ZFYVE28: variants seen among roughly 807,000 people sequenced by gnomAD.
The protein encoded by ZFYVE28 is lateral signaling target protein 2 homolog.
ZFYVE28 carries 40 observed loss-of-function variants against 82.1 expected under a neutral mutation model. The ratio of observed to expected loss-of-function variants is 0.49; its 90% CI spans 0.38 to 0.63. ZFYVE28 has a LOEUF of 0.63. ZFYVE28 is among the 30% of genes least tolerant of loss of function. The probability of loss-of-function intolerance (pLI) is 0.00; values close to 1 mark genes in which losing one functional copy is unlikely to be tolerated. For missense variants in ZFYVE28, 1,321 were observed against 1,242.1 expected (o/e 1.06, Z -0.96); for synonymous variants, 612 against 546.1 (o/e 1.12, Z -1.68).
rs1167401903 is a variant in ZFYVE28, at chr4:2,362,040, A to G, written c.40-7967T>C. 6.6e-6 allele frequency among the ~76,000 whole-genome samples: 1 copy of G among 152,016 alleles called. No homozygotes were observed. The highest frequency in any genetic ancestry group is 2.4e-5 in the African/African-American group (1 of 41,384). On this transcript the variant is annotated intron_variant, in intron 1 of 12. Coordinates refer to ENST00000290974, the MANE Select transcript of ZFYVE28 (RefSeq NM_020972.3). This position sits in a 1 kb window ranked among gnomAD's most constrained non-coding sequence, Gnocchi z 5.1. Reference sequence around the variant, plus strand: ...CCTCCCTCCCCACACAGCTGAACCCAGGACATAAGCTGGGCTCTAAGCTCC... The same window carrying G: ...CCTCCCTCCCCACACAGCTGAACCCGGGACATAAGCTGGGCTCTAAGCTCC...
chr4:2,397,210 G>A (rs572296891), intron 1 of ZFYVE28, among the ~76,000 whole-genome samples: 72 of 152,278 alleles, frequency 4.7e-4, no homozygotes, highest in African/African-American at 1.7e-3. Flanking sequence ...AGTGGCTCAC[G>A]CCTATAATCC....
At position 2,273,276 on chromosome 4, in the gene ZFYVE28, C is replaced by T; in HGVS notation, c.2220G>A (p.Gln740=). ...GGTCACTGGCATAGTTCGTCTGCAG[C>T]TGGTCAGCCACACCTGAGGAAGGAA... ...LFVCISGVAD[Q]LQTNYASDLR... Residue 740 remains glutamine, a synonymous_variant, in exon 10 of 13, where the codon CAG becomes CAA. Coordinates refer to ENST00000290974, the MANE Select transcript of ZFYVE28 (RefSeq NM_020972.3). The T allele has an allele frequency of 6.2e-7, 1 of 1,612,198 alleles. No individual in the cohort carries two copies. Among genetic ancestry groups the T allele is most frequent in the Non-Finnish European group, 8.5e-7 (1 of 1,179,572 alleles).
intron 7 of ZFYVE28, among the ~76,000 whole-genome samples, chr4:2,319,903 T>C (rs1353811965): frequency 1.3e-5 from 2 of 152,090 alleles, no homozygotes; most frequent in Non-Finnish European, 2.9e-5. Flanking sequence ...TAGCTGTTGC[T>C]GTACCATGTC....
rs569704011 is a variant in ZFYVE28 at position 2,370,127 on chromosome 4, T to C, written c.40-16054A>G. Reference sequence around the variant, plus strand: ...CCTTCCGAAGTGCTGGGATTACAGGTGTGAACCAACACGCCCGGCCGATTT... The same window carrying C: ...CCTTCCGAAGTGCTGGGATTACAGGCGTGAACCAACACGCCCGGCCGATTT... On this transcript the variant is annotated intron_variant, in intron 1 of 12. Transcript: ENST00000290974. 5.3e-5 allele frequency among the ~76,000 whole-genome samples: 8 copies of C among 152,046 alleles called. No individual in the cohort carries two copies. The South Asian group carries it at 8.3e-4, about 16-fold the overall frequency.
At position 2,344,686 on chromosome 4, in the gene ZFYVE28, C is replaced by T. The variant is rs553010104; in HGVS notation, c.181-3071G>A. 1.3e-4 allele frequency among the ~76,000 whole-genome samples: 20 copies of T among 150,922 alleles called. 1 individual carries two copies. The East Asian group carries it at 3.9e-3, about 30-fold the overall frequency. ...CCAAGGTGGGTGGATCACCTGAGGT[C>T]GGGAGTTCGAGACCAGCCAGGCCAA... On this transcript the variant is annotated intron_variant, in intron 2 of 12. Transcript: ENST00000290974.
Position 2,312,198 on chromosome 4 carries a change from T to C in ZFYVE28, c.804-6662A>G, listed in dbSNP as rs546290232. 4.6e-5 allele frequency among the ~76,000 whole-genome samples: 7 copies of C among 152,266 alleles called. No individual in the cohort carries two copies. In the South Asian group the frequency reaches 1.0e-3, roughly 23 times the overall value. ...ATGCTGAGATTACAGGAATGAGCCA[T>C]TGGGCCTGGCCACATGGATATATCA... On this transcript the variant is annotated intron_variant, in intron 7 of 12. Coordinates refer to ENST00000290974, the MANE Select transcript of ZFYVE28 (RefSeq NM_020972.3).
In ZFYVE28 at chr4:2,304,872, C is replaced by T. The variant is rs373104966; in HGVS notation, c.1468G>A (p.Gly490Ser). 8.7e-6 allele frequency: 14 copies of T among 1,612,650 alleles called. No individual in the cohort carries two copies. The highest frequency in any genetic ancestry group is 6.7e-5 in the Admixed American group (4 of 60,020). ...GCGTCATCCGCACCCACCTCCCAGC[C>T]GTCCAGGTGCAGCCGCGAGTCCAGG... ...SCLDSRLHLD[G>S]WEVGADDAET... Residue 490 changes from glycine to serine, a missense_variant, in exon 8 of 13, where the codon GGC becomes AGC. Around this residue, in one of 2 missense-constraint regions of ZFYVE28, gnomAD observed 978 missense variants for 833.7 expected, o/e 1.17. Coordinates refer to ENST00000290974, the MANE Select transcript of ZFYVE28 (RefSeq NM_020972.3).
At position 2,417,994 on chromosome 4, in the gene ZFYVE28, T is replaced by G. The variant is rs1733292058; in HGVS notation, c.39+291A>C. Among the ~76,000 whole-genome samples the G allele has an allele frequency of 6.6e-6, 1 of 150,634 alleles. No individual in the cohort carries two copies. Among genetic ancestry groups the G allele is most frequent in the South Asian group, 2.1e-4 (1 of 4,732 alleles). Reference sequence around the variant, plus strand: ...GGGATGAGGAGGGAGAGGGGCCCGTTGTGGCCCTGGATAGAGGGGGAGGGA... The same window carrying G: ...GGGATGAGGAGGGAGAGGGGCCCGTGGTGGCCCTGGATAGAGGGGGAGGGA... On this transcript the variant is annotated intron_variant, in intron 1 of 12. Transcript: ENST00000290974. This position sits in a 1 kb window ranked among gnomAD's most constrained non-coding sequence, Gnocchi z 4.8.
At chr4:2,315,750 AG>A (rs1190895580) in intron 7 of ZFYVE28, among the ~76,000 whole-genome samples, 4 of 152,140 alleles carry the variant, frequency 2.6e-5, no homozygotes, top group Non-Finnish European at 5.9e-5. Flanking sequence ...TGATATACCC[AG>A]GTATGCTGGT....
rs759182685 is a variant in ZFYVE28 at position 2,335,741 on chromosome 4, G to A, written c.665C>T (p.Ala222Val). The change falls in exon 6 of 13, where the codon GCC becomes GTC. Residue 222 changes from alanine to valine, a missense_variant. Transcript: ENST00000290974. This position sits in a 1 kb window ranked among gnomAD's most constrained non-coding sequence, Gnocchi z 5.8. ...CAGCCTGGGGATGCTGAACATGAGG[G>A]CCGGCTCGTAGTCATCAATCATGTC... ...TQDMIDDYEP[A>V]LMFSIPRLAI... The A allele has an allele frequency of 1.5e-5, 24 of 1,576,026 alleles. No homozygotes were observed. Among genetic ancestry groups the A allele is most frequent in the East Asian group, 2.3e-5 (1 of 43,222 alleles).
chr4:2,271,092 G>A, intron 12 of ZFYVE28: 2 of 741,536 alleles, frequency 2.7e-6, no homozygotes, highest in South Asian at 1.9e-5. Context: ...CTCTGTGGCT[G>A]GCTCTGCAGC....
At position 2,339,470 on chromosome 4, in the gene ZFYVE28, G is replaced by A. The variant is rs776018359; in HGVS notation, c.504C>T (p.Phe168=). The A allele has an allele frequency of 3.1e-5, 50 of 1,613,694 alleles. No homozygotes were observed. The highest frequency in any genetic ancestry group is 5.0e-5 in the Admixed American group (3 of 59,928). ...REALRHFDVL[F]AEFELSYVSA... ...TGCAGTACCTGAGCTCAAACTCTGC[G>A]AACAGGACGTCGAAGTGCCTCAGCG... Residue 168 remains phenylalanine, a synonymous_variant, in exon 4 of 13, where the codon TTC becomes TTT. Transcript: ENST00000290974. The surrounding 1 kb of genome is among the most constrained non-coding windows in gnomAD (Gnocchi z 5.0).
At chr4:2,370,120 T>C (rs774613440) in intron 1 of ZFYVE28, among the ~76,000 whole-genome samples, 14 of 151,968 alleles carry the variant, frequency 9.2e-5, no homozygotes, top group Non-Finnish European at 1.5e-4. Context: ...AGTGCTGGGA[T>C]TACAGGTGTG....
chr4:2,271,845 C>CATCA, intron 10 of ZFYVE28, 66 bp from the exon 11 acceptor site: 7 of 1,476,502 alleles, frequency 4.7e-6, no homozygotes, highest in Non-Finnish European at 6.6e-6. Flanking sequence ...GGGTCACCTG[C>CATCA]ACTTGCTGGG....
chr4:2,341,247 AATTTC>A lies in ZFYVE28; in HGVS notation c.318+226_318+230del, dbSNP rs1722749111. On this transcript the variant is annotated intron_variant, in intron 3 of 12. Transcript: ENST00000290974. The surrounding 1 kb of genome is among the most constrained non-coding windows in gnomAD (Gnocchi z 4.5). Reference sequence around the variant, plus strand: ...TGAACCTCATAAAAACCACATGGGAAATTTCATTTGTATGTATAGTTTTGGGGGCA... The same window carrying A: ...TGAACCTCATAAAAACCACATGGGAAATTTGTATGTATAGTTTTGGGGGCA... The A allele has an allele frequency of 5.0e-6, 3 of 603,750 alleles. No individual in the cohort carries two copies. The highest frequency in any genetic ancestry group is 6.2e-5 in the Admixed American group (2 of 32,382). The allele number at this position is 603,750 out of a possible 1,614,324, so 37.4% of individuals were successfully genotyped here. A position where few individuals can be genotyped will look rare whatever the true frequency, so the allele number is the denominator to read the frequency against.
chr4:2,320,154 CT>C lies in ZFYVE28; in HGVS notation c.803+15del. The C allele has an allele frequency of 6.2e-7, 1 of 1,604,414 alleles. No homozygotes were observed. Among genetic ancestry groups the C allele is most frequent in the South Asian group, 1.1e-5 (1 of 90,818 alleles). Reference sequence around the variant, plus strand: ...GTCCCCCTCCCCTCCCCCACCTCCTCTAGCTCCATCCCCACCTTATTTTCCG... The same window carrying C: ...GTCCCCCTCCCCTCCCCCACCTCCTCAGCTCCATCCCCACCTTATTTTCCG... On this transcript the variant is annotated intron_variant, in intron 7 of 12. Transcript: ENST00000290974. This position sits in a 1 kb window ranked among gnomAD's most constrained non-coding sequence, Gnocchi z 5.1.
intron 1 of ZFYVE28, among the ~76,000 whole-genome samples, chr4:2,382,925 A>G (rs1578329866): frequency 7.5e-6 from 1 of 133,118 alleles, no homozygotes; most frequent in Non-Finnish European, 1.7e-5. Flanking sequence ...AAAAGCAGAA[A>G]CCCCTGATAA....
At chr4:2,410,535 GC>G (rs1732418361) in intron 1 of ZFYVE28, among the ~76,000 whole-genome samples, 1 of 136,388 alleles carries the variant, frequency 7.3e-6, no homozygotes, top group South Asian at 2.3e-4. Flanking sequence ...TCGCTCTGTT[GC>G]CCAGGCTGGA....
At chr4:2,365,565 A>T (rs1398575681) in intron 1 of ZFYVE28, among the ~76,000 whole-genome samples, 6 of 150,890 alleles carry the variant, frequency 4.0e-5, no homozygotes, top group Admixed American at 3.9e-4. Flanking sequence ...CAAATCTCCC[A>T]CCCTTTGGTG....
Sources: allele counts gnomAD v4.1 joint callset (sites outside exome capture counted in the v4.1 genomes callset), GRCh38; gene constraint gnomAD v4.1.1; regional missense constraint gnomAD v4.1.1; non-coding constraint Gnocchi (gnomAD v3.1); transcripts MANE v1.5; gene names NCBI Gene and HGNC (gene_info 2026-07-23, HGNC 2026-07-21).